Variants in SNX31 observed in about 807,000 individuals in gnomAD.
SNX31 encodes sorting nexin 31.
A neutral mutation model predicts 65.4 loss-of-function variants in SNX31; 58 were observed. That is an observed-to-expected ratio of 0.89 (90% CI 0.72 to 1.10). The LOEUF (loss-of-function observed/expected upper bound fraction) is 1.10. Ranked by LOEUF, SNX31 falls within the 50% of genes least tolerant of loss-of-function variation. The probability of loss-of-function intolerance (pLI) is 0.00; values close to 1 mark genes in which losing one functional copy is unlikely to be tolerated. For synonymous variants in SNX31, 181 were observed against 190.1 expected (o/e 0.95, Z 0.39); for missense variants, 523 against 529.7 (o/e 0.99, Z 0.12).
chr8:100,661,569 G>A (rs1272971400), intron 1 of SNX31, among the ~76,000 whole-genome samples: 1 of 151,968 alleles, frequency 6.6e-6, no homozygotes, highest in Non-Finnish European at 1.5e-5. Flanking sequence ...TCTAGATAGG[G>A]TCTCACTCTG....
chr8:100,617,549 C>A, intron 5 of SNX31, 71 bp downstream of exon 5: 1 of 1,066,856 alleles, frequency 9.4e-7, no homozygotes, highest in Non-Finnish European at 1.4e-6. Flanking sequence ...GTAACCGTAT[C>A]CCATTCTCTG....
intron 8 of SNX31, among the ~76,000 whole-genome samples, chr8:100,606,040 ATT>A (rs374056086): frequency 6.8e-6 from 1 of 146,824 alleles, no homozygotes; most frequent in African/African-American, 2.5e-5. Context: ...ACTGAACATG[ATT>A]TTTTTTTTTT....
At chr8:100,636,144 G>A in intron 2 of SNX31, 133 bp from the exon 3 acceptor site, 1 of 609,376 alleles carries the variant, frequency 1.6e-6, no homozygotes, top group African/African-American at 1.8e-5. Flanking sequence ...GTAGCCCAAA[G>A]GGGGAAAAGA....
At chr8:100,618,121 C>T in intron 4 of SNX31, 1 of 985,312 alleles carries the variant, frequency 1.0e-6, no homozygotes, top group Non-Finnish European at 1.2e-6. Context: ...CCACAGCTTC[C>T]TTTTTTGGTG....
intron 10 of SNX31, among the ~76,000 whole-genome samples, chr8:100,591,167 C>T (rs764415434): frequency 6.6e-6 from 1 of 152,110 alleles, no homozygotes; most frequent in African/African-American, 2.4e-5. Context: ...GGGGAAAGAA[C>T]ATCTGGAAAG....
At position 100,630,326 on chromosome 8, in the gene SNX31, C is replaced by G. The variant is rs760250588; in HGVS notation, c.321+1G>C. ...GCCCCATTAAAGAAGAGCAAGCTTA[C>G]CAGCTGCGCCAGTTTTAAAAACTCA... On this transcript the variant is annotated splice_donor_variant, in intron 4 of 13. Coordinates refer to ENST00000311812, the MANE Select transcript of SNX31 (RefSeq NM_152628.4). LOFTEE classifies it high-confidence loss of function. This position sits in a 1 kb window ranked among gnomAD's most constrained non-coding sequence, Gnocchi z 5.3. 2 of 1,613,274 alleles carry G rather than the reference C, an allele frequency of 1.2e-6. No individual in the cohort carries two copies. Among genetic ancestry groups the G allele is most frequent in the East Asian group, 4.5e-5 (2 of 44,860 alleles).
chr8:100,637,606 T>G (rs1003037516), intron 2 of SNX31, among the ~76,000 whole-genome samples: 1 of 152,366 alleles, frequency 6.6e-6, no homozygotes, highest in African/African-American at 2.4e-5. Flanking sequence ...TCTAGATTAT[T>G]GCAATCGCCT....
At chr8:100,605,613 G>C (rs2130975659) in intron 8 of SNX31, among the ~76,000 whole-genome samples, 1 of 152,270 alleles carries the variant, frequency 6.6e-6, no homozygotes, top group African/African-American at 2.4e-5. Context: ...GGATGCGGTT[G>C]CTGGCCCAGG....
intron 1 of SNX31, among the ~76,000 whole-genome samples, chr8:100,659,811 A>G (rs530937568): frequency 8.5e-5 from 13 of 152,266 alleles, no homozygotes; most frequent in South Asian, 6.2e-4. Flanking sequence ...CTCTGGCTTT[A>G]TAAGTTACCC....
intron 10 of SNX31, among the ~76,000 whole-genome samples, chr8:100,591,405 C>T (rs1463015171): frequency 2.0e-5 from 3 of 149,132 alleles, no homozygotes; most frequent in African/African-American, 7.5e-5. Context: ...AGGAGAACGG[C>T]TTGAACCCGG....
At chr8:100,581,644 T>C (rs928331935) in intron 12 of SNX31, among the ~76,000 whole-genome samples, 3 of 152,164 alleles carry the variant, frequency 2.0e-5, no homozygotes, top group African/African-American at 7.2e-5. Context: ...TCAGATTCTT[T>C]AAGATGATCA....
intron 2 of SNX31, among the ~76,000 whole-genome samples, chr8:100,639,349 G>C (rs1587057721): frequency 6.6e-6 from 1 of 152,204 alleles, no homozygotes; most frequent in South Asian, 2.1e-4. Flanking sequence ...CTTTGAAAAT[G>C]AGTGGAGTCT....
intron 4 of SNX31, among the ~76,000 whole-genome samples, chr8:100,623,202 A>G (rs1002687130): frequency 6.6e-6 from 1 of 152,348 alleles, no homozygotes; most frequent in Non-Finnish European, 1.5e-5. Flanking sequence ...CATGTCTTAC[A>G]TGGCTGGAGC....
intron 9 of SNX31, among the ~76,000 whole-genome samples, chr8:100,599,382 A>G (rs983535853): frequency 2.6e-5 from 4 of 152,166 alleles, no homozygotes; most frequent in African/African-American, 9.7e-5. Flanking sequence ...AGTAACAGCA[A>G]TATTCTATCC....
intron 2 of SNX31, among the ~76,000 whole-genome samples, chr8:100,644,495 G>C (rs1403018849): frequency 6.6e-6 from 1 of 152,088 alleles, no homozygotes; most frequent in Non-Finnish European, 1.5e-5. Context: ...GGGCCAGCCA[G>C]TTCACACAGC....
chr8:100,578,682 A>G lies in SNX31; in HGVS notation c.1171-1607T>C, dbSNP rs1052884935. ...TCACATATTTAAGCCTATTTCAATGATTTTTTATTTTATTTTATTTTATTT... is the reference window on the plus strand; with the variant it reads ...TCACATATTTAAGCCTATTTCAATGGTTTTTTATTTTATTTTATTTTATTT... On this transcript the variant is annotated intron_variant, in intron 12 of 13. Transcript: ENST00000311812. The surrounding 1 kb of genome is among the most constrained non-coding windows in gnomAD (Gnocchi z 4.7). Among the ~76,000 whole-genome samples the G allele has an allele frequency of 7.2e-6, 1 of 137,972 alleles. No individual in the cohort carries two copies. Among genetic ancestry groups the G allele is most frequent in the African/African-American group, 2.8e-5 (1 of 35,716 alleles). The allele number at this position is 137,972 out of a possible 152,430, so 90.5% of individuals were successfully genotyped here.
At position 100,648,322 on chromosome 8, in the gene SNX31, CT is replaced by C. The variant is rs33988254; in HGVS notation, c.141+951del. Among the ~76,000 whole-genome samples, 21,027 of 131,232 alleles carry C rather than the reference CT, an allele frequency of 0.16. 2,450 individuals are homozygous for C. The highest frequency in any genetic ancestry group is 0.35 in the African/African-American group (12,211 of 34,946). The allele number at this position is 131,232 out of a possible 152,430, so 86.1% of individuals were successfully genotyped here. On this transcript the variant is annotated intron_variant, in intron 2 of 13. Transcript: ENST00000311812. The surrounding 1 kb of genome is among the most constrained non-coding windows in gnomAD (Gnocchi z 4.3). ...GAAAGTTTTTTCAGTTTTCTCTACA[CT>C]TTTTTTTTTTTTTTTTTTAATAGAG... is the stretch of plus-strand genomic sequence containing the variant.
chr8:100,595,892 T>A (rs1815038172), intron 10 of SNX31, among the ~76,000 whole-genome samples: 1 of 152,100 alleles, frequency 6.6e-6, no homozygotes, highest in African/African-American at 2.4e-5. Flanking sequence ...AACACCAGAA[T>A]TTCAGGAATG....
chr8:100,585,391 T>G lies in SNX31; in HGVS notation c.1093-1203A>C, dbSNP rs188788977. ...GTGGTCACTGTGTTGGAGGGGAGGA[T>G]GGAGAGGAGAAGGGAGGAGAGAGTG... On this transcript the variant is annotated intron_variant, in intron 11 of 13. Transcript: ENST00000311812. Among the ~76,000 whole-genome samples the G allele has an allele frequency of 3.7e-3, 568 of 151,672 alleles. 2 individuals carry two copies. Among genetic ancestry groups the G allele is most frequent in the African/African-American group, 0.013 (538 of 41,320 alleles).
Sources: gnomAD v4.1 joint callset for allele counts (sites outside exome capture counted in the v4.1 genomes callset) on GRCh38, gnomAD v4.1.1 for gene constraint, Gnocchi (gnomAD v3.1) non-coding constraint, MANE v1.5 for transcripts, NCBI Gene and HGNC (gene_info 2026-07-23, HGNC 2026-07-21) for gene names.